Variants in SEMA3E observed in about 807,000 individuals in gnomAD.
The protein encoded by SEMA3E is semaphorin 3E, also known as semaphorin-3E.
A neutral mutation model predicts 93.6 loss-of-function variants in SEMA3E; 49 were observed. The observed-to-expected ratio is 0.52, with a 90% CI of 0.42 to 0.66. The LOEUF is 0.66. Among genes scored for constraint, SEMA3E ranks in the 30% least tolerant of loss-of-function variants. The probability of loss-of-function intolerance (pLI) is 0.00; values close to 1 mark genes in which losing one functional copy is unlikely to be tolerated. For synonymous variants in SEMA3E, 363 were observed against 330.7 expected, an observed-to-expected ratio of 1.10 and a Z score of -1.06; for missense variants, 906 against 964.8, an observed-to-expected ratio of 0.94 and a Z score of 0.81.
At chr7:83,445,030 AT>A (rs1789198220) in intron 4 of SEMA3E, among the ~76,000 whole-genome samples, 1 of 152,182 alleles carries the variant, frequency 6.6e-6, no homozygotes, top group Admixed American at 6.5e-5. Flanking sequence ...GAAAGCTTCT[AT>A]TTGAAAATTA....
intron 14 of SEMA3E, among the ~76,000 whole-genome samples, chr7:83,390,270 T>C (rs560310010): frequency 2.2e-5 from 3 of 136,960 alleles, no homozygotes; most frequent in African/African-American, 9.1e-5. Flanking sequence ...TGCGCGTATA[T>C]ATGTGTATAT....
rs867599285 is a variant in SEMA3E, at chr7:83,470,793, C to G, written c.277-1491G>C. Among the ~76,000 whole-genome samples the G allele has an allele frequency of 2.6e-4, 40 of 151,552 alleles. No individual in the cohort carries two copies. The Middle Eastern group carries it at 0.01, about 39-fold the overall frequency. On this transcript the variant is annotated intron_variant, in intron 2 of 16. Transcript: ENST00000643230. ...TGGGTTTTTGAGTTCCCTCAATAGTCCTATGCACACATATAGTCTGCTGTT... is the reference window on the plus strand; with the variant it reads ...TGGGTTTTTGAGTTCCCTCAATAGTGCTATGCACACATATAGTCTGCTGTT...
intron 2 of SEMA3E, among the ~76,000 whole-genome samples, chr7:83,481,355 G>A (rs1458234431): frequency 6.6e-6 from 1 of 151,810 alleles, no homozygotes; most frequent in Non-Finnish European, 1.5e-5. Flanking sequence ...GGACACTAGA[G>A]AAAGCAAAAT....
Position 83,405,281 on chromosome 7 carries a change from G to T in SEMA3E, c.998+169C>A, listed in dbSNP as rs966537130. Among the ~76,000 whole-genome samples, 4 of 152,020 alleles carry T rather than the reference G, an allele frequency of 2.6e-5. No homozygotes were observed. The South Asian group carries it at 8.3e-4, about 32-fold the overall frequency. On this transcript the variant is annotated intron_variant, in intron 9 of 16. Transcript: ENST00000643230. ...TTAGATTGAGCTTCTGAAAATGAAA[G>T]TACATTTGCAAACGTTGGAAAATAA...
chr7:83,535,074 A>G (rs1049856279), intron 1 of SEMA3E, among the ~76,000 whole-genome samples: 5 of 152,108 alleles, frequency 3.3e-5, no homozygotes, highest in Admixed American at 1.3e-4. Context: ...CCAGGCTCCA[A>G]TGGTTGGTGT....
At chr7:83,455,465 T>C (rs1789460553) in intron 4 of SEMA3E, among the ~76,000 whole-genome samples, 1 of 152,206 alleles carries the variant, frequency 6.6e-6, no homozygotes, top group African/African-American at 2.4e-5. Context: ...TTTCTAAAAA[T>C]ACCTGTATTA....
rs1456175889 is a variant in SEMA3E, at chr7:83,367,745, C to G, written c.2169G>C (p.Gln723His). ...CTTTCTCGCAGTATTCTTCCACTCTCTGGAAGTTGCTATAACCGATCAGCT... is the reference window on the plus strand; with the variant it reads ...CTTTCTCGCAGTATTCTTCCACTCTGTGGAAGTTGCTATAACCGATCAGCT... ...FLQLIGYSNF[Q>H]RVEEYCEKVW... is the part of the protein sequence containing the mutation. Residue 723 changes from glutamine (Q) to histidine (H), a missense_variant, in exon 17 of 17, where the codon CAG becomes CAC. Physicochemically the swap from Gln to His is conservative, Grantham distance 24 (BLOSUM62 0). Transcript: ENST00000643230. The G allele has an allele frequency of 1.2e-6, 2 of 1,614,006 alleles. No individual in the cohort carries two copies.
intron 15 of SEMA3E, 22 bp downstream of exon 15, chr7:83,386,961 C>A (rs1319374380): frequency 6.2e-7 from 1 of 1,608,416 alleles, no homozygotes; most frequent in Non-Finnish European, 8.5e-7. Flanking sequence ...TAACCCAGAA[C>A]AACTGATTTT....
At chr7:83,527,778 A>AATTTTTTTT (rs35059958) in intron 1 of SEMA3E, among the ~76,000 whole-genome samples, 1 of 139,924 alleles carries the variant, frequency 7.1e-6, no homozygotes. Flanking sequence ...AATTTTTGTG[A>AATTTTTTTT]TTTTTTTTTT....
At chr7:83,415,940 C>A (rs1371538582) in intron 5 of SEMA3E, among the ~76,000 whole-genome samples, 2 of 152,070 alleles carry the variant, frequency 1.3e-5, no homozygotes, top group African/African-American at 4.8e-5. Context: ...ACAAAATACC[C>A]ATTAATACAT....
intron 1 of SEMA3E, among the ~76,000 whole-genome samples, chr7:83,548,604 C>T (rs1405758049): frequency 3.3e-5 from 5 of 151,932 alleles, no homozygotes; most frequent in Non-Finnish European, 7.4e-5. Flanking sequence ...TTTGGTCCAC[C>T]TGGTCACCTC....
intron 1 of SEMA3E, among the ~76,000 whole-genome samples, chr7:83,517,952 G>T (rs1584303541): frequency 6.6e-6 from 1 of 152,232 alleles, no homozygotes; most frequent in East Asian, 1.9e-4. Flanking sequence ...GGGGCCTCTG[G>T]GTGAGAAAAG....
At chr7:83,374,067 G>T (rs1794785647) in intron 16 of SEMA3E, among the ~76,000 whole-genome samples, 1 of 151,956 alleles carries the variant, frequency 6.6e-6, no homozygotes, top group African/African-American at 2.4e-5. Flanking sequence ...TTAGCCAGGT[G>T]TGGTGGCATA....
At chr7:83,532,695 C>CA (rs969677638) in intron 1 of SEMA3E, among the ~76,000 whole-genome samples, 2 of 100,652 alleles carry the variant, frequency 2.0e-5, no homozygotes, top group Admixed American at 2.0e-4. Context: ...ACAAACCAAC[C>CA]AAAAAAAAAG....
At chr7:83,611,334 A>G (rs905854940) in intron 1 of SEMA3E, among the ~76,000 whole-genome samples, 1 of 144,522 alleles carries the variant, frequency 6.9e-6, no homozygotes, top group Non-Finnish European at 1.5e-5. Context: ...ATATAAATTT[A>G]TATATTATAT....
chr7:83,616,668 A>G, intron 1 of SEMA3E: 1 of 444,512 alleles, frequency 2.2e-6, no homozygotes, highest in Non-Finnish European at 4.5e-6. Flanking sequence ...TCAAGTTGTG[A>G]AGGCCCAGAT....
At chr7:83,380,073 TAACTC>T (rs528826394) in intron 16 of SEMA3E, among the ~76,000 whole-genome samples, 637 of 151,974 alleles carry the variant, frequency 4.2e-3, no homozygotes, top group Admixed American at 6.5e-3. Flanking sequence ...AGCCAAAAGT[TAACTC>T]AACAACTTTC....
chr7:83,632,450 C>A (rs1031679256), intron 1 of SEMA3E, among the ~76,000 whole-genome samples: 1 of 152,018 alleles, frequency 6.6e-6, no homozygotes, highest in Admixed American at 6.6e-5. Context: ...GCAGTCTTCC[C>A]CATGCTGTTC....
At chr7:83,519,226 GT>G (rs1277358840) in intron 1 of SEMA3E, among the ~76,000 whole-genome samples, 9 of 151,766 alleles carry the variant, frequency 5.9e-5, no homozygotes, top group African/African-American at 1.7e-4. Flanking sequence ...GCGGTGTTTG[GT>G]TTTTTGTTCT....
Sources: allele counts gnomAD v4.1 joint callset (sites outside exome capture counted in the v4.1 genomes callset), GRCh38; gene constraint gnomAD v4.1.1; transcripts MANE v1.5; gene names NCBI Gene and HGNC (gene_info 2026-07-23, HGNC 2026-07-21).